Variants in HMGCS2 observed in about 807,000 individuals in gnomAD.
The protein encoded by HMGCS2 is 3-hydroxy-3-methylglutaryl-CoA synthase 2, also known as hydroxymethylglutaryl-CoA synthase, mitochondrial.
Under a neutral mutation model 57.4 loss-of-function variants are expected in HMGCS2, and 50 were observed. The ratio of observed to expected loss-of-function variants is 0.87; its 90% confidence interval spans 0.69 to 1.10. The LOEUF (loss-of-function observed/expected upper bound fraction) is 1.10, where lower values mean the gene tolerates loss of function less well. Ranked by LOEUF, HMGCS2 falls within the 50% of genes least tolerant of loss-of-function variation. The pLI is 0.00. For synonymous variants in HMGCS2, 254 were observed against 245.1 expected (o/e 1.04, Z -0.34); for missense variants, 627 against 636.5 (o/e 0.99, Z 0.16).
At chr1:119,756,111 T>C (rs1013213371) in intron 5 of HMGCS2, among the ~76,000 whole-genome samples, 2 of 152,262 alleles carry the variant, frequency 1.3e-5, no homozygotes, top group South Asian at 4.1e-4. Context: ...GGCTTCATGC[T>C]CTCCTGTTAC....
intron 2 of HMGCS2, 133 bp downstream of exon 2, chr1:119,764,039 T>C (rs779526264): frequency 2.7e-6 from 2 of 738,288 alleles, no homozygotes; most frequent in Admixed American, 2.0e-5. Context: ...TGTGGGATGA[T>C]AGCAGCAGCT....
intron 2 of HMGCS2, 127 bp from the exon 3 acceptor site, chr1:119,760,116 C>T: frequency 1.1e-6 from 1 of 870,244 alleles, no homozygotes. Context: ...AAATCCCAGT[C>T]CTGTGGAGCT....
At chr1:119,768,063 C>T (rs1653296344) in intron 1 of HMGCS2, among the ~76,000 whole-genome samples, 1 of 152,148 alleles carries the variant, frequency 6.6e-6, no homozygotes, top group Non-Finnish European at 1.5e-5. Context: ...AAGAACTAGT[C>T]CCAATGTGTA....
In HMGCS2 at chr1:119,768,887, C is replaced by G. The variant is rs748496437; in HGVS notation, c.-43G>C. 1.4e-6 allele frequency: 2 copies of G among 1,459,076 alleles called. No homozygotes were observed. Among genetic ancestry groups the G allele is most frequent in the Admixed American group, 3.4e-5 (2 of 58,512 alleles). The allele number at this position is 1,459,076 out of a possible 1,614,324, so 90.4% of individuals were successfully genotyped here. Reference sequence around the variant, plus strand: ...GAAACCCAGCAGTTCAGAAACCCAGCAGAAACCTTGAAAGAGATGCCCAGT... The same window carrying G: ...GAAACCCAGCAGTTCAGAAACCCAGGAGAAACCTTGAAAGAGATGCCCAGT... On this transcript the variant is annotated 5_prime_UTR_variant, in exon 1 of 10. Coordinates refer to ENST00000369406, the MANE Select transcript of HMGCS2 (RefSeq NM_005518.4).
chr1:119,755,331 AG>A (rs951754740), intron 6 of HMGCS2, 95 bp downstream of exon 6: 42 of 1,191,832 alleles, frequency 3.5e-5, no homozygotes, highest in Admixed American at 1.9e-4. Context: ...TAAATTTCTG[AG>A]CCAAAAGAGA....
intron 2 of HMGCS2, among the ~76,000 whole-genome samples, chr1:119,763,264 C>A (rs999786587): frequency 6.6e-6 from 1 of 152,140 alleles, no homozygotes; most frequent in African/African-American, 2.4e-5. Context: ...GAGGACTCTG[C>A]CAATATTAAG....
chr1:119,758,375 A>G (rs1259892080), intron 4 of HMGCS2, among the ~76,000 whole-genome samples: 1 of 151,802 alleles, frequency 6.6e-6, no homozygotes, highest in East Asian at 1.9e-4. Context: ...CTGGGACTAC[A>G]GGCTTATGCC....
intron 2 of HMGCS2, among the ~76,000 whole-genome samples, chr1:119,761,581 C>G (rs587621651): frequency 6.6e-6 from 1 of 151,856 alleles, no homozygotes; most frequent in Non-Finnish European, 1.5e-5. Flanking sequence ...CTGGCTAACA[C>G]GGTGAAATCC....
chr1:119,750,730 C>T, intron 9 of HMGCS2, 67 bp downstream of exon 9: 1 of 1,008,922 alleles, frequency 9.9e-7, no homozygotes, highest in Non-Finnish European at 1.6e-6. Flanking sequence ...CACCTTCTCT[C>T]TCTGTGTTGT....
At chr1:119,760,595 T>A (rs975364211) in intron 2 of HMGCS2, among the ~76,000 whole-genome samples, 1 of 152,166 alleles carries the variant, frequency 6.6e-6, no homozygotes, top group East Asian at 1.9e-4. Context: ...GTGAAAATAG[T>A]TTATATTGAG....
chr1:119,750,328 A>G (rs1369288688), intron 9 of HMGCS2, among the ~76,000 whole-genome samples: 4 of 152,174 alleles, frequency 2.6e-5, no homozygotes, highest in African/African-American at 4.8e-5. Context: ...AATGATTTCT[A>G]TAGGTTCAGG....
chr1:119,752,504 A>G (rs1278170487), intron 8 of HMGCS2, 45 bp downstream of exon 8: 23 of 1,604,414 alleles, frequency 1.4e-5, no homozygotes, highest in Non-Finnish European at 2.0e-5. Context: ...GCTCCCAGCT[A>G]CTGGAATGGG....
chr1:119,749,811 C>G (rs1652591098), intron 9 of HMGCS2, among the ~76,000 whole-genome samples: 1 of 152,118 alleles, frequency 6.6e-6, no homozygotes, highest in East Asian at 1.9e-4. Flanking sequence ...TCTCCATCTA[C>G]CAAAAGGAGG....
chr1:119,764,729 G>T, intron 1 of HMGCS2, 103 bp from the exon 2 acceptor site: 1 of 918,724 alleles, frequency 1.1e-6, no homozygotes, highest in Non-Finnish European at 1.7e-6. Flanking sequence ...ATATTTTGAA[G>T]CTATGTTATC....
intron 9 of HMGCS2, among the ~76,000 whole-genome samples, chr1:119,749,045 A>G (rs587686879): frequency 6.6e-6 from 1 of 152,134 alleles, no homozygotes; most frequent in South Asian, 2.1e-4. Context: ...GGGGGTAGGC[A>G]GGGTCCCCGT....
chr1:119,750,031 G>A (rs962168623), intron 9 of HMGCS2, among the ~76,000 whole-genome samples: 11 of 151,792 alleles, frequency 7.2e-5, no homozygotes, highest in East Asian at 1.9e-4. Context: ...TCCTGTCACC[G>A]CAATCCTCTT....
intron 2 of HMGCS2, among the ~76,000 whole-genome samples, chr1:119,762,569 C>T (rs1158169925): frequency 1.3e-5 from 2 of 152,138 alleles, no homozygotes; most frequent in African/African-American, 4.8e-5. Flanking sequence ...AGTCTCAGAG[C>T]CACTCCCTCC....
At chr1:119,765,786 C>A (rs767582968) in intron 1 of HMGCS2, among the ~76,000 whole-genome samples, 1 of 152,136 alleles carries the variant, frequency 6.6e-6, no homozygotes, top group East Asian at 1.9e-4. Context: ...AAGAACATAC[C>A]CACTGTTTTC....
In HMGCS2 at chr1:119,755,426, C is replaced by G. The variant is rs764706394; in HGVS notation, c.1187+1G>C. 4 of 1,614,038 alleles carry G rather than the reference C, an allele frequency of 2.5e-6. No individual in the cohort carries two copies. The East Asian group carries it at 6.7e-5, about 27-fold the overall frequency. ...GACATGGAGCCAGATGCAGTACTCA[C>G]TGGGACAGAAGCGAGGCCAGGCACC... On this transcript the variant is annotated splice_donor_variant, in intron 6 of 9. Coordinates refer to ENST00000369406, the MANE Select transcript of HMGCS2 (RefSeq NM_005518.4). LOFTEE classifies it high-confidence loss of function.
Sources: gnomAD v4.1 joint callset for allele counts (sites outside exome capture counted in the v4.1 genomes callset) on GRCh38, gnomAD v4.1.1 for gene constraint, MANE v1.5 for transcripts, NCBI Gene and HGNC (gene_info 2026-07-23, HGNC 2026-07-21) for gene names.